The following FAM107B variants were observed in gnomAD, a reference collection of about 807,000 sequenced individuals.
FAM107B encodes protein FAM107B.
FAM107B carries 21 observed loss-of-function variants against 31.5 expected under a neutral mutation model. The ratio of observed to expected loss-of-function variants is 0.67; its 90% CI spans 0.47 to 0.96. The LOEUF is 0.96. Ranked by LOEUF, FAM107B falls within the 40% of genes least tolerant of loss-of-function variation. The pLI is 0.00. For synonymous variants in FAM107B, 157 were observed against 141.5 expected, an observed-to-expected ratio of 1.11 and a Z score of -0.78; for missense variants, 452 against 377.1, an observed-to-expected ratio of 1.20 and a Z score of -1.64.
intron 1 of FAM107B, among the ~76,000 whole-genome samples, chr10:14,729,978 A>T (rs1326895000): frequency 6.6e-6 from 1 of 152,196 alleles, no homozygotes; most frequent in African/African-American, 2.4e-5. Context: ...CATAAATGGG[A>T]GTTGAACAAT....
chr10:14,753,611 G>A (rs1286786512), intron 1 of FAM107B, among the ~76,000 whole-genome samples: 1 of 152,218 alleles, frequency 6.6e-6, no homozygotes, highest in African/African-American at 2.4e-5. Context: ...TGTTTGTTGT[G>A]TGTAGATGGT....
Position 14,548,418 on chromosome 10 carries a change from C to T in FAM107B, c.470-17903G>A, listed in dbSNP as rs866863125. ...CCTTGTACACAGGTCTGTGAGGGTGCGTGGGGCGTAGGTAACAGCACCTGG... is the reference window on the plus strand; with the variant it reads ...CCTTGTACACAGGTCTGTGAGGGTGTGTGGGGCGTAGGTAACAGCACCTGG... On this transcript the variant is annotated intron_variant, in intron 2 of 4. Coordinates refer to ENST00000181796, the MANE Select transcript of FAM107B (RefSeq NM_031453.4). 5.1e-6 allele frequency: 5 copies of T among 985,568 alleles called. No homozygotes were observed. The African/African-American group carries it at 5.2e-5, about 10-fold the overall frequency. The allele number at this position is 985,568 out of a possible 1,614,324, so 61.1% of individuals were successfully genotyped here.
intron 2 of FAM107B, chr10:14,661,599 T>C (rs1319241584): frequency 6.6e-6 from 1 of 152,262 alleles, no homozygotes; most frequent in Non-Finnish European, 1.5e-5. Context: ...CTGGGGCTCT[T>C]GGATCTCGAG....
chr10:14,675,519 T>C (rs966888400), intron 1 of FAM107B, among the ~76,000 whole-genome samples: 5 of 152,164 alleles, frequency 3.3e-5, no homozygotes, highest in Non-Finnish European at 7.3e-5. Flanking sequence ...AACAAGCCTA[T>C]GACCGATTAA....
chr10:14,746,880 G>A (rs1452678013), intron 1 of FAM107B, among the ~76,000 whole-genome samples: 1 of 152,166 alleles, frequency 6.6e-6, no homozygotes, highest in African/African-American at 2.4e-5. Context: ...ATATCCTGAA[G>A]TATGTTTTCC....
At chr10:14,757,606 C>A (rs1192424702) in intron 1 of FAM107B, among the ~76,000 whole-genome samples, 1 of 152,150 alleles carries the variant, frequency 6.6e-6, no homozygotes, top group Non-Finnish European at 1.5e-5. Flanking sequence ...TGCAAGAAAC[C>A]ACTGCCTGAT....
At chr10:14,556,396 G>C in intron 2 of FAM107B, 1 of 985,442 alleles carries the variant, frequency 1.0e-6, no homozygotes, top group Non-Finnish European at 1.2e-6. Flanking sequence ...GCTTGACCAG[G>C]ATTCTCTGGC....
chr10:14,570,237 T>TGTGTGG (rs1588617233), intron 2 of FAM107B, among the ~76,000 whole-genome samples: 1 of 113,740 alleles, frequency 8.8e-6, no homozygotes, highest in African/African-American at 3.3e-5. Context: ...GTGGTGGGTG[T>TGTGTGG]GTGTGTGTGT....
chr10:14,697,388 C>G (rs963940280), intron 1 of FAM107B, among the ~76,000 whole-genome samples: 1 of 152,160 alleles, frequency 6.6e-6, no homozygotes, highest in African/African-American at 2.4e-5. Context: ...GAGCAAGTAC[C>G]ACGTGTTTTT....
chr10:14,773,863 A>C (rs966586793), intron 1 of FAM107B, among the ~76,000 whole-genome samples: 1 of 152,138 alleles, frequency 6.6e-6, no homozygotes, highest in African/African-American at 2.4e-5. Context: ...AACTTTTTAG[A>C]TTGTGGATTT....
intron 1 of FAM107B, among the ~76,000 whole-genome samples, chr10:14,728,123 C>T (rs945380590): frequency 2.0e-5 from 3 of 152,156 alleles, no homozygotes; most frequent in African/African-American, 7.2e-5. Context: ...CAACACAATG[C>T]TTGTGAGCTT....
chr10:14,766,924 A>T (rs59529777), intron 1 of FAM107B, among the ~76,000 whole-genome samples: 11,220 of 147,738 alleles, frequency 0.076, 1,141 homozygotes, highest in African/African-American at 0.22. Context: ...AAGAGGAGGG[A>T]ACACTTCCTA....
At chr10:14,621,874 AT>A (rs1853019507) in intron 2 of FAM107B, among the ~76,000 whole-genome samples, 1 of 152,232 alleles carries the variant, frequency 6.6e-6, no homozygotes, top group Non-Finnish European at 1.5e-5. Context: ...GTAAAAAAAA[AT>A]GTACAGAAGT....
chr10:14,692,424 T>G (rs10906747), intron 1 of FAM107B, among the ~76,000 whole-genome samples: 12,053 of 152,238 alleles, frequency 0.079, 619 homozygotes, highest in Non-Finnish European at 0.11. Context: ...CATCGTACAC[T>G]TCCTTTAGGG....
chr10:14,665,000 T>C (rs1221824163), intron 2 of FAM107B, among the ~76,000 whole-genome samples: 3 of 152,200 alleles, frequency 2.0e-5, no homozygotes, highest in Non-Finnish European at 1.5e-5. Context: ...AGGAGCTCTA[T>C]AGCAAGCCCC....
chr10:14,635,139 G>A (rs115000792), intron 2 of FAM107B, among the ~76,000 whole-genome samples: 1,697 of 147,198 alleles, frequency 0.012, 21 homozygotes, highest in Non-Finnish European at 0.018. Context: ...GGAAGGAAGG[G>A]AGGGAGGGAG....
At chr10:14,683,506 G>C (rs1564624544) in intron 1 of FAM107B, among the ~76,000 whole-genome samples, 1 of 152,166 alleles carries the variant, frequency 6.6e-6, no homozygotes, top group Admixed American at 6.5e-5. Flanking sequence ...CAATCTTTTG[G>C]CTACAATTCA....
intron 1 of FAM107B, among the ~76,000 whole-genome samples, chr10:14,680,573 CA>C (rs35826993): frequency 0.03 from 4,006 of 133,932 alleles, 171 homozygotes; most frequent in African/African-American, 0.1. Flanking sequence ...GACTCTGTCT[CA>C]AAAAAAAAAA....
rs181895335 is a variant in FAM107B, at chr10:14,630,240, C to T, written c.469+37394G>A. On this transcript the variant is annotated intron_variant, in intron 2 of 4. Transcript: ENST00000181796. Reference sequence around the variant, plus strand: ...GTCCCATATACAACATTAAGACATGCTTATGCAGTTCACTATGCCTCACTT... The same window carrying T: ...GTCCCATATACAACATTAAGACATGTTTATGCAGTTCACTATGCCTCACTT... Among the ~76,000 whole-genome samples, 278 of 143,548 alleles carry T rather than the reference C, an allele frequency of 1.9e-3. 1 individual carries two copies. The highest frequency in any genetic ancestry group is 3.4e-3 in the Non-Finnish European group (230 of 67,096). 94.2% of individuals were successfully genotyped at this position (143,548 alleles called of 152,430 possible).
Sources: allele counts gnomAD v4.1 joint callset (sites outside exome capture counted in the v4.1 genomes callset), GRCh38; gene constraint gnomAD v4.1.1; transcripts MANE v1.5; gene names NCBI Gene and HGNC (gene_info 2026-07-23, HGNC 2026-07-21).